The following BAZ2B variants were observed in gnomAD, a reference collection of about 807,000 sequenced individuals.
BAZ2B encodes bromodomain adjacent to zinc finger domain protein 2B.
Under a neutral mutation model 246.0 loss-of-function variants are expected in BAZ2B, and 91 were observed. The observed-to-expected ratio is 0.37, with a 90% confidence interval of 0.31 to 0.44. The LOEUF is 0.44. BAZ2B is among the 20% of genes least tolerant of loss of function. BAZ2B has a pLI of 1.00. For synonymous variants in BAZ2B, 855 were observed against 860.0 expected (o/e 0.99, Z 0.10); for missense variants, 2,332 against 2,533.7 (o/e 0.92, Z 1.71).
chr2:159,688,043 T>G, the BAZ2B span, among the ~76,000 whole-genome samples: 1 of 152,276 alleles, frequency 6.6e-6, no homozygotes, highest in Non-Finnish European at 1.5e-5. Context: ...TATTTTCTAT[T>G]TTACTATTGT....
chr2:159,545,864 C>T (rs998625930), intron 2 of BAZ2B, among the ~76,000 whole-genome samples: 1 of 152,138 alleles, frequency 6.6e-6, no homozygotes, highest in Non-Finnish European at 1.5e-5. Flanking sequence ...GAAACACCCT[C>T]CACCGACTGA....
At position 159,325,758 on chromosome 2, in the gene BAZ2B, T is replaced by C. The variant is rs2063629841; in HGVS notation, c.6104A>G (p.Lys2035Arg). 6.2e-7 allele frequency: 1 copy of C among 1,601,320 alleles called. No homozygotes were observed. Among genetic ancestry groups the C allele is most frequent in the Non-Finnish European group, 8.5e-7 (1 of 1,177,298 alleles). ...AGAAGTGTTTTCCTCCATTTTTCTT[T>C]TCTTGAGGTCTTTGTTTCCTCTTTT... ...SLKRGNKDLK[K>R]RKMEENTSIN... is the part of the protein sequence containing the mutation. The change falls in exon 35 of 37, where the codon AAA becomes AGA. Residue 2035 changes from lysine (K) to arginine (R), a missense_variant. Physicochemically the swap from Lys to Arg is conservative, Grantham distance 26. Around this residue, in one of 9 missense-constraint regions of BAZ2B, gnomAD observed 210 missense variants for 232.5 expected, o/e 0.90. Coordinates refer to ENST00000392783, the MANE Select transcript of BAZ2B (RefSeq NM_013450.4).
At chr2:159,607,319 T>C (rs767054428) in intron 1 of BAZ2B, among the ~76,000 whole-genome samples, 1 of 152,222 alleles carries the variant, frequency 6.6e-6, no homozygotes, top group Non-Finnish European at 1.5e-5. Context: ...CTCTACTCAA[T>C]GTTCTTAGCA....
At chr2:159,494,451 T>C (rs879723452) in intron 2 of BAZ2B, among the ~76,000 whole-genome samples, 2 of 152,310 alleles carry the variant, frequency 1.3e-5, no homozygotes, top group Non-Finnish European at 2.9e-5. Context: ...TTTATACATA[T>C]AAGTACATTT....
chr2:159,457,654 C>T (rs2075942961), intron 3 of BAZ2B, among the ~76,000 whole-genome samples: 1 of 152,196 alleles, frequency 6.6e-6, no homozygotes, highest in African/African-American at 2.4e-5. Context: ...AATCCTACCA[C>T]CTCCAGGATC....
intron 13 of BAZ2B, among the ~76,000 whole-genome samples, chr2:159,413,776 TC>T (rs1259276878): frequency 2.6e-5 from 4 of 151,934 alleles, no homozygotes; most frequent in Admixed American, 6.6e-5. Context: ...CAACTGAAAA[TC>T]TGAGCAATGA....
At chr2:159,583,112 C>CTTTTT (rs11296306) in intron 1 of BAZ2B, among the ~76,000 whole-genome samples, 76 of 137,566 alleles carry the variant, frequency 5.5e-4, no homozygotes, top group Non-Finnish European at 6.9e-4. Context: ...TTTTTCTTTT[C>CTTTTT]TTTTTTTTTT....
At chr2:159,710,463 C>A in the BAZ2B span, among the ~76,000 whole-genome samples, 1 of 152,182 alleles carries the variant, frequency 6.6e-6, no homozygotes, top group Middle Eastern at 3.2e-3. Flanking sequence ...CCACCTTGGC[C>A]TCCCAAAGTG....
chr2:159,689,023 A>G, the BAZ2B span, among the ~76,000 whole-genome samples: 8 of 152,096 alleles, frequency 5.3e-5, no homozygotes, highest in Non-Finnish European at 7.4e-5. Flanking sequence ...GTGGGGAGAT[A>G]TTTTGAGTAT....
chr2:159,487,003 T>C (rs1014064650), intron 2 of BAZ2B, among the ~76,000 whole-genome samples: 1 of 152,108 alleles, frequency 6.6e-6, no homozygotes, highest in Non-Finnish European at 1.5e-5. Context: ...TAGAAAAACA[T>C]GTAAGAAATT....
chr2:159,337,123 C>T lies in BAZ2B; in HGVS notation c.5661-46G>A, dbSNP rs201438809. ...ATTAAGTAGGTCATGTCCACACTTACGATTACGGAATGTGAAACAATCATC... is the reference window on the plus strand; with the variant it reads ...ATTAAGTAGGTCATGTCCACACTTATGATTACGGAATGTGAAACAATCATC... On this transcript the variant is annotated intron_variant, in intron 32 of 36. Coordinates refer to ENST00000392783, the MANE Select transcript of BAZ2B (RefSeq NM_013450.4). 24 of 1,558,736 alleles carry T rather than the reference C, an allele frequency of 1.5e-5. No homozygotes were observed. In the East Asian group the frequency reaches 1.8e-4, roughly 12 times the overall value.
intron 2 of BAZ2B, among the ~76,000 whole-genome samples, chr2:159,496,573 G>A (rs1348557703): frequency 8.2e-5 from 12 of 145,902 alleles, no homozygotes; most frequent in African/African-American, 2.3e-4. Context: ...ACCTGAGGTC[G>A]GGAGTTCGAG....
chr2:159,455,929 A>T (rs2075718369), intron 3 of BAZ2B, among the ~76,000 whole-genome samples: 1 of 151,954 alleles, frequency 6.6e-6, no homozygotes, highest in South Asian at 2.1e-4. Context: ...AAATGTTGTT[A>T]AATGTTTTAT....
At chr2:159,398,389 A>G (rs2064399357) in intron 18 of BAZ2B, 1 of 152,612 alleles carries the variant, frequency 6.6e-6, no homozygotes, top group Non-Finnish European at 1.5e-5. Context: ...TAATAGATAA[A>G]ACAGTTGCTG....
chr2:159,584,241 C>T (rs1487757650), intron 1 of BAZ2B, among the ~76,000 whole-genome samples: 1 of 152,004 alleles, frequency 6.6e-6, no homozygotes, highest in East Asian at 1.9e-4. Flanking sequence ...CCTGCCTTAG[C>T]CTCCCGAGTA....
rs1437159576 is a variant in BAZ2B at position 159,362,151 on chromosome 2, CAG to C, written c.4213+10892_4213+10893del. Among the ~76,000 whole-genome samples, 3 of 124,738 alleles carry C rather than the reference CAG, an allele frequency of 2.4e-5. No individual in the cohort carries two copies. In the South Asian group the frequency reaches 8.9e-4, roughly 37 times the overall value. 81.8% of individuals were successfully genotyped at this position (124,738 alleles called of 152,430 possible). A position where few individuals can be genotyped will look rare whatever the true frequency, so the allele number is the denominator to read the frequency against. ...AAAAAACAAACAAATTAAAAAAAAA[CAG>C]TGAACTGGACTGGAAAAAAAAATCC... On this transcript the variant is annotated intron_variant, in intron 27 of 36. Transcript: ENST00000392783.
chr2:159,371,534 A>G (rs2060849194), intron 27 of BAZ2B, among the ~76,000 whole-genome samples: 1 of 152,212 alleles, frequency 6.6e-6, no homozygotes, highest in South Asian at 2.1e-4. Flanking sequence ...CAGCAATTCA[A>G]CCTTCAAGAT....
At chr2:159,547,401 C>A (rs1188011206) in intron 2 of BAZ2B, among the ~76,000 whole-genome samples, 1 of 152,150 alleles carries the variant, frequency 6.6e-6, no homozygotes, top group Non-Finnish European at 1.5e-5. Flanking sequence ...AAAATTCTTT[C>A]TCCTCCATGG....
chr2:159,590,771 C>A (rs1193044125), intron 1 of BAZ2B, among the ~76,000 whole-genome samples: 2 of 152,038 alleles, frequency 1.3e-5, no homozygotes, highest in Non-Finnish European at 2.9e-5. Flanking sequence ...TGGAAAGAAG[C>A]AAATTTTTAG....
Sources: allele counts gnomAD v4.1 joint callset (sites outside exome capture counted in the v4.1 genomes callset), GRCh38; gene constraint gnomAD v4.1.1; regional missense constraint gnomAD v4.1.1; transcripts MANE v1.5; gene names NCBI Gene and HGNC (gene_info 2026-07-23, HGNC 2026-07-21).